The following KCNMA1 variants were observed in gnomAD, a reference collection of about 807,000 sequenced individuals.
KCNMA1 encodes the protein potassium calcium-activated channel subfamily M alpha 1.
KCNMA1 carries 29 observed loss-of-function variants against 140.0 expected under a neutral mutation model. The ratio of observed to expected loss-of-function variants is 0.21; its 90% CI spans 0.15 to 0.28. The LOEUF is 0.28. Among genes scored for constraint, KCNMA1 ranks in the 10% least tolerant of loss-of-function variants. The pLI is 1.00. For synonymous variants in KCNMA1, 612 were observed against 611.9 expected (o/e 1.00, Z 0.00); for missense variants, 880 against 1,602.2 (o/e 0.55, Z 7.70).
intron 1 of KCNMA1, among the ~76,000 whole-genome samples, chr10:77,574,883 T>A (rs1603637314): frequency 6.6e-6 from 1 of 152,228 alleles, no homozygotes; most frequent in African/African-American, 2.4e-5. Flanking sequence ...GAATCCAGTA[T>A]TCATTTTGCA....
intron 2 of KCNMA1, among the ~76,000 whole-genome samples, chr10:77,316,868 A>G (rs896583389): frequency 6.6e-6 from 1 of 152,170 alleles, no homozygotes; most frequent in African/African-American, 2.4e-5. Flanking sequence ...GAAAGTAGGG[A>G]TATGGTCTGG....
At chr10:77,482,498 A>G (rs891780349) in intron 1 of KCNMA1, among the ~76,000 whole-genome samples, 2 of 152,210 alleles carry the variant, frequency 1.3e-5, no homozygotes, top group African/African-American at 2.4e-5. Context: ...CGCAGCAGAA[A>G]CAAAGCTTTT....
chr10:77,424,866 T>C (rs1174751373), intron 1 of KCNMA1, among the ~76,000 whole-genome samples: 1 of 152,338 alleles, frequency 6.6e-6, no homozygotes, highest in Non-Finnish European at 1.5e-5. Context: ...ATTTCCTTTG[T>C]TGGACTCACT....
intron 1 of KCNMA1, among the ~76,000 whole-genome samples, chr10:77,490,930 G>A (rs2098524517): frequency 6.6e-6 from 1 of 152,096 alleles, no homozygotes; most frequent in South Asian, 2.1e-4. Flanking sequence ...ACCACTCTTT[G>A]TAACTCCAGG....
chr10:77,075,569 C>T (rs760618138), intron 13 of KCNMA1, among the ~76,000 whole-genome samples: 1 of 152,148 alleles, frequency 6.6e-6, no homozygotes, highest in Admixed American at 6.5e-5. Flanking sequence ...TCCTTGGGTC[C>T]CCCATGGCCC....
intron 1 of KCNMA1, among the ~76,000 whole-genome samples, chr10:77,425,764 A>G (rs921080151): frequency 1.0e-3 from 159 of 152,296 alleles, no homozygotes; most frequent in African/African-American, 3.7e-3. Flanking sequence ...CAAAGGCAGG[A>G]GGACATTTAA....
chr10:77,200,488 G>A (rs1163623205), intron 3 of KCNMA1, among the ~76,000 whole-genome samples: 1 of 152,164 alleles, frequency 6.6e-6, no homozygotes, highest in Admixed American at 6.5e-5. Flanking sequence ...AGGGCCTGCT[G>A]CTGTCAGAGT....
intron 1 of KCNMA1, among the ~76,000 whole-genome samples, chr10:77,504,909 A>G (rs2045278710): frequency 6.6e-6 from 1 of 152,176 alleles, no homozygotes; most frequent in Non-Finnish European, 1.5e-5. Context: ...ATGTGCCATG[A>G]TTATACTGCA....
At chr10:77,351,487 A>G (rs962108494) in intron 2 of KCNMA1, among the ~76,000 whole-genome samples, 2 of 152,192 alleles carry the variant, frequency 1.3e-5, no homozygotes, top group East Asian at 1.9e-4. Context: ...GGATAAGCCC[A>G]TTTCAGCAGC....
At chr10:77,406,751 G>A (rs1336914022) in intron 1 of KCNMA1, among the ~76,000 whole-genome samples, 1 of 152,134 alleles carries the variant, frequency 6.6e-6, no homozygotes, top group African/African-American at 2.4e-5. Flanking sequence ...GAGGAAAAGA[G>A]GAGGGCAGGG....
intron 2 of KCNMA1, among the ~76,000 whole-genome samples, chr10:77,397,004 G>A (rs1044529485): frequency 1.9e-4 from 28 of 150,998 alleles, no homozygotes; most frequent in African/African-American, 6.8e-4. Flanking sequence ...TGTAGATGTC[G>A]CTCCCAAGTT....
At chr10:76,970,261 C>G (rs752883551) in intron 19 of KCNMA1, 194 bp from the exon 20 acceptor site, 58 of 571,638 alleles carry the variant, frequency 1.0e-4, no homozygotes, top group Non-Finnish European at 1.6e-4. Context: ...GGCAACACCT[C>G]TTTACACTCC....
chr10:77,413,049 G>T (rs540226963), intron 1 of KCNMA1, among the ~76,000 whole-genome samples: 2 of 151,978 alleles, frequency 1.3e-5, no homozygotes, highest in East Asian at 3.9e-4. Flanking sequence ...GTACAGACAG[G>T]GTTTCACCAT....
intron 5 of KCNMA1, among the ~76,000 whole-genome samples, chr10:77,163,759 T>C (rs567244473): frequency 6.6e-6 from 1 of 152,298 alleles, no homozygotes; most frequent in East Asian, 1.9e-4. Context: ...ACCCAAATTG[T>C]CTAGTGCCAA....
chr10:77,321,502 TAATC>T (rs1174950944), intron 2 of KCNMA1, among the ~76,000 whole-genome samples: 5 of 152,214 alleles, frequency 3.3e-5, no homozygotes, highest in Non-Finnish European at 7.3e-5. Context: ...AGCTTGTTAT[TAATC>T]AATTAATTCT....
chr10:77,425,374 T>G (rs755247630), intron 1 of KCNMA1, among the ~76,000 whole-genome samples: 112 of 152,310 alleles, frequency 7.4e-4, no homozygotes, highest in Non-Finnish European at 1.2e-3. Context: ...TTCTGAGCAC[T>G]GGTATCTCCC....
chr10:77,418,402 A>G, intron 1 of KCNMA1, among the ~76,000 whole-genome samples: 1 of 152,140 alleles, frequency 6.6e-6, no homozygotes, highest in Non-Finnish European at 1.5e-5. Context: ...CCAAAATTAT[A>G]TCAGGTTTCC....
chr10:77,101,637 G>A (rs1228343657), intron 9 of KCNMA1, among the ~76,000 whole-genome samples: 5 of 152,142 alleles, frequency 3.3e-5, no homozygotes, highest in African/African-American at 4.8e-5. Context: ...ATGCAATGAG[G>A]GCTGAATGGC....
intron 1 of KCNMA1, among the ~76,000 whole-genome samples, chr10:77,445,636 G>GAAACCC (rs2097514411): frequency 6.6e-6 from 1 of 152,094 alleles, no homozygotes; most frequent in Non-Finnish European, 1.5e-5. Context: ...GGAGGGACCT[G>GAAACCC]AAACCCAAAC....
Sources: gnomAD v4.1 joint callset for allele counts (sites outside exome capture counted in the v4.1 genomes callset) on GRCh38, gnomAD v4.1.1 for gene constraint, MANE v1.5 for transcripts, NCBI Gene and HGNC (gene_info 2026-07-23, HGNC 2026-07-21) for gene names.